EIF4G3: variants seen among roughly 807,000 people sequenced by gnomAD.
The protein encoded by EIF4G3 is eIF-4-gamma 3.
Under a neutral mutation model 186.4 loss-of-function variants are expected in EIF4G3, and 34 were observed. The ratio of observed to expected loss-of-function variants is 0.18; its 90% CI spans 0.14 to 0.24. The LOEUF (loss-of-function observed/expected upper bound fraction) is 0.24. Ranked by LOEUF, EIF4G3 falls within the 10% of genes least tolerant of loss-of-function variation. EIF4G3 has a pLI of 1.00. For missense variants in EIF4G3, 1,536 were observed against 1,948.5 expected (o/e 0.79, Z 3.99); for synonymous variants, 673 against 679.5 (o/e 0.99, Z 0.15).
chr1:20,870,023 A>G (rs1467979278), intron 20 of EIF4G3, among the ~76,000 whole-genome samples: 2 of 152,178 alleles, frequency 1.3e-5, no homozygotes, highest in Non-Finnish European at 1.5e-5. Context: ...GATATGCACA[A>G]GATTCAAAAG....
At chr1:20,825,253 A>C in intron 32 of EIF4G3, 55 bp from the exon 33 acceptor site, 2 of 861,714 alleles carry the variant, frequency 2.3e-6, no homozygotes, top group African/African-American at 1.8e-5. Flanking sequence ...AAGAAACAGA[A>C]AAAAAAAAAA....
intron 2 of EIF4G3, among the ~76,000 whole-genome samples, chr1:21,105,069 T>G (rs901766867): frequency 4.0e-5 from 6 of 151,844 alleles, no homozygotes; most frequent in African/African-American, 1.5e-4. Flanking sequence ...GAAGTGTGAG[T>G]GGAGAGTGAG....
At chr1:20,824,117 T>G (rs758584338) in intron 33 of EIF4G3, among the ~76,000 whole-genome samples, 37 of 152,376 alleles carry the variant, frequency 2.4e-4, no homozygotes, top group Admixed American at 1.0e-3. Context: ...AGTTCAGGTT[T>G]CATCTCTGGC....
intron 12 of EIF4G3, among the ~76,000 whole-genome samples, chr1:20,966,059 T>C (rs2154565117): frequency 6.6e-6 from 1 of 152,346 alleles, no homozygotes; most frequent in Non-Finnish European, 1.5e-5. Context: ...GCTACAATTC[T>C]GCCCCACTTG....
intron 31 of EIF4G3, among the ~76,000 whole-genome samples, chr1:20,828,246 G>A (rs2064173909): frequency 6.6e-6 from 1 of 151,978 alleles, no homozygotes; most frequent in African/African-American, 2.4e-5. Context: ...TGGCCAGGAT[G>A]GTTTTGATTT....
At chr1:21,111,536 C>G in intron 2 of EIF4G3, 1 of 320,676 alleles carries the variant, frequency 3.1e-6, no homozygotes, top group South Asian at 2.7e-5. Context: ...CTCCCAGATT[C>G]CTAATTAAGA....
chr1:20,878,514 A>G (rs1205234715), intron 20 of EIF4G3, among the ~76,000 whole-genome samples: 1 of 152,232 alleles, frequency 6.6e-6, no homozygotes, highest in Non-Finnish European at 1.5e-5. Context: ...GACTTTTCCA[A>G]ACCCCAAAAG....
intron 3 of EIF4G3, among the ~76,000 whole-genome samples, chr1:21,060,909 T>C (rs776710240): frequency 3.9e-5 from 6 of 152,326 alleles, no homozygotes; most frequent in East Asian, 1.9e-4. Flanking sequence ...TGTAGACTGA[T>C]TGATTCATTC....
intron 7 of EIF4G3, 132 bp from the exon 8 acceptor site, chr1:20,982,540 G>T: frequency 1.8e-6 from 1 of 549,344 alleles, no homozygotes; most frequent in Non-Finnish European, 3.1e-6. Flanking sequence ...AATAATAGGA[G>T]AAGAAAGAAG....
At chr1:21,131,904 C>G (rs1038608416) in intron 2 of EIF4G3, among the ~76,000 whole-genome samples, 1 of 151,674 alleles carries the variant, frequency 6.6e-6, no homozygotes, top group Non-Finnish European at 1.5e-5. Context: ...CCTAGGAGGT[C>G]AAGGCTGTAG....
chr1:20,994,288 C>T (rs2081779641), intron 7 of EIF4G3, among the ~76,000 whole-genome samples: 2 of 152,318 alleles, frequency 1.3e-5, no homozygotes, highest in South Asian at 4.1e-4. Flanking sequence ...ACAATTTATC[C>T]TATACCACAC....
intron 2 of EIF4G3, among the ~76,000 whole-genome samples, chr1:21,173,023 C>T (rs2098016977): frequency 6.7e-6 from 1 of 149,024 alleles, no homozygotes; most frequent in Non-Finnish European, 1.5e-5. Flanking sequence ...CCTGTAGTCC[C>T]AACTACTCAG....
chr1:20,942,614 T>C (rs2154562449), intron 13 of EIF4G3, among the ~76,000 whole-genome samples: 1 of 152,244 alleles, frequency 6.6e-6, no homozygotes, highest in East Asian at 1.9e-4. Flanking sequence ...TCACCAAAAC[T>C]GAGGCTAAAC....
At chr1:21,090,591 G>A (rs372724114) in intron 2 of EIF4G3, among the ~76,000 whole-genome samples, 2 of 152,184 alleles carry the variant, frequency 1.3e-5, no homozygotes, top group South Asian at 4.1e-4. Context: ...GTTGTTTACA[G>A]TCAGTACCTC....
intron 2 of EIF4G3, among the ~76,000 whole-genome samples, chr1:21,128,341 T>A (rs1418601602): frequency 6.7e-6 from 1 of 150,106 alleles, no homozygotes; most frequent in Non-Finnish European, 1.5e-5. Context: ...AAACCCCGTC[T>A]CTAAAAAATA....
chr1:20,987,505 T>C (rs956207630), intron 7 of EIF4G3, among the ~76,000 whole-genome samples: 1 of 152,242 alleles, frequency 6.6e-6, no homozygotes, highest in Admixed American at 6.5e-5. Flanking sequence ...TTCGTGTTTG[T>C]CACATTTTGG....
In EIF4G3 at chr1:20,992,757, T is replaced by C. The variant is rs535587580; in HGVS notation, c.177+4844A>G. Among the ~76,000 whole-genome samples, 22 of 152,300 alleles carry C rather than the reference T, an allele frequency of 1.4e-4. No homozygotes were observed. The South Asian group carries it at 4.3e-3, about 30-fold the overall frequency. On this transcript the variant is annotated intron_variant, in intron 7 of 36. Coordinates refer to ENST00000602326, the MANE Select transcript of EIF4G3 (RefSeq NM_001391906.1). ...TCATAATGAAAAGACTACTTAGTCATAGTATATAACCAACACTTGATCTCT... is the reference window on the plus strand; with the variant it reads ...TCATAATGAAAAGACTACTTAGTCACAGTATATAACCAACACTTGATCTCT...
intron 4 of EIF4G3, among the ~76,000 whole-genome samples, chr1:21,016,679 C>T (rs150716388): frequency 8.2e-4 from 125 of 151,698 alleles, no homozygotes; most frequent in African/African-American, 2.0e-3. Flanking sequence ...AATAAAAGGA[C>T]GGGCACGGTG....
At chr1:20,841,165 T>C in intron 29 of EIF4G3, 137 bp from the exon 30 acceptor site, 1 of 787,224 alleles carries the variant, frequency 1.3e-6, no homozygotes, top group East Asian at 2.8e-5. Flanking sequence ...AATATAAGTT[T>C]ATATTTGTTT....
Sources: gnomAD v4.1 joint callset for allele counts (sites outside exome capture counted in the v4.1 genomes callset) on GRCh38, gnomAD v4.1.1 for gene constraint, MANE v1.5 for transcripts, NCBI Gene and HGNC (gene_info 2026-07-23, HGNC 2026-07-21) for gene names.